Variants in COL4A2 observed in about 807,000 individuals in gnomAD.
COL4A2 encodes collagen type IV alpha 2 chain.
COL4A2 carries 99 observed loss-of-function variants against 200.2 expected under a neutral mutation model. That is an observed-to-expected ratio of 0.49 (90% CI 0.42 to 0.58). The LOEUF is 0.58. Among genes scored for constraint, COL4A2 ranks in the 20% least tolerant of loss-of-function variants. COL4A2 has a pLI of 0.00. For missense variants in COL4A2, 1,950 were observed against 2,314.1 expected (o/e 0.84, Z 3.23); for synonymous variants, 897 against 900.6 (o/e 1.00, Z 0.07).
intron 47 of COL4A2, among the ~76,000 whole-genome samples, chr13:110,509,662 G>A (rs1263637397): frequency 6.6e-6 from 1 of 152,110 alleles, no homozygotes; most frequent in East Asian, 1.9e-4. Context: ...TATCCAGAAA[G>A]GTCAGGCATC....
chr13:110,501,516 CCAT>C (rs1883639646), intron 40 of COL4A2, 149 bp from the exon 41 acceptor site: 1 of 709,900 alleles, frequency 1.4e-6, no homozygotes, highest in Non-Finnish European at 2.4e-6. Context: ...CCCAGCCCCA[CCAT>C]GAGATGTTCC....
chr13:110,467,644 C>T (rs933069370), intron 27 of COL4A2, among the ~76,000 whole-genome samples: 6 of 152,246 alleles, frequency 3.9e-5, no homozygotes, highest in African/African-American at 1.4e-4. Context: ...AGGCCGCCTG[C>T]GTGTCCAGTG....
At chr13:110,501,577 T>G in intron 40 of COL4A2, 91 bp from the exon 41 acceptor site, 1 of 1,132,966 alleles carries the variant, frequency 8.8e-7, no homozygotes, top group South Asian at 1.2e-5. Context: ...TAGGCTCTGG[T>G]CCACCACAGG....
chr13:110,342,223 A>C (rs1415354610), intron 3 of COL4A2, among the ~76,000 whole-genome samples: 2 of 152,262 alleles, frequency 1.3e-5, no homozygotes, highest in Non-Finnish European at 2.9e-5. Flanking sequence ...GAATTAGCTT[A>C]CTAAATTTTT....
chr13:110,497,719 A>C (rs35232900), intron 40 of COL4A2, among the ~76,000 whole-genome samples: 5,879 of 130,360 alleles, frequency 0.045, 277 homozygotes, highest in African/African-American at 0.1. Context: ...GATCTAGGTC[A>C]GTCCACCAGC....
At chr13:110,357,403 T>C in intron 3 of COL4A2, 69 bp from the exon 4 acceptor site, 1 of 1,540,434 alleles carries the variant, frequency 6.5e-7, no homozygotes, top group Non-Finnish European at 8.8e-7. Flanking sequence ...CAACAGATGA[T>C]ATTTTAATAC....
At chr13:110,327,245 G>A (rs553589674) in intron 3 of COL4A2, among the ~76,000 whole-genome samples, 52 of 152,272 alleles carry the variant, frequency 3.4e-4, no homozygotes, top group African/African-American at 5.5e-4. Context: ...GAATTTGGGC[G>A]TCCCCAGTTA....
At chr13:110,325,590 G>A (rs1048442476) in intron 3 of COL4A2, among the ~76,000 whole-genome samples, 2 of 152,170 alleles carry the variant, frequency 1.3e-5, no homozygotes, top group Non-Finnish European at 2.9e-5. Flanking sequence ...CTTAACTAAG[G>A]CTGCCTGATC....
intron 3 of COL4A2, among the ~76,000 whole-genome samples, chr13:110,316,351 T>C (rs1885128921): frequency 1.3e-5 from 2 of 152,188 alleles, no homozygotes; most frequent in Non-Finnish European, 2.9e-5. Flanking sequence ...TCAAAAGCCA[T>C]GGTTTGTCCA....
intron 24 of COL4A2, among the ~76,000 whole-genome samples, chr13:110,463,453 T>A (rs1001292231): frequency 6.6e-6 from 1 of 152,224 alleles, no homozygotes; most frequent in African/African-American, 2.4e-5. Context: ...TGGAGGACGA[T>A]TGAAGTCATA....
intron 16 of COL4A2, among the ~76,000 whole-genome samples, chr13:110,442,087 C>CA (rs10530153): frequency 0.35 from 16,390 of 47,034 alleles, 5,699 homozygotes; most frequent in Non-Finnish European, 0.42. Context: ...CTCTCTGTCT[C>CA]AAAAAAAAAA....
In COL4A2 at chr13:110,307,901, A is replaced by G; in HGVS notation, c.-3A>G. On this transcript the variant is annotated 5_prime_UTR_variant, in exon 2 of 48. Transcript: ENST00000360467. This position sits in a 1 kb window ranked among gnomAD's most constrained non-coding sequence, Gnocchi z 5.0. Reference sequence around the variant, plus strand: ...CGGGGCCCAGAGTGGACGAACCGCCAGCATGGGGAGAGACCAGCGCGCGGT... The same window carrying G: ...CGGGGCCCAGAGTGGACGAACCGCCGGCATGGGGAGAGACCAGCGCGCGGT... 6.2e-7 allele frequency: 1 copy of G among 1,612,336 alleles called. No individual in the cohort carries two copies. The highest frequency in any genetic ancestry group is 8.5e-7 in the Non-Finnish European group (1 of 1,179,306).
chr13:110,386,966 A>G (rs768899594), intron 4 of COL4A2, among the ~76,000 whole-genome samples: 1 of 152,178 alleles, frequency 6.6e-6, no homozygotes, highest in Non-Finnish European at 1.5e-5. Context: ...GAGGCCGGGC[A>G]CGGTGGCTCA....
At chr13:110,342,575 G>T (rs775554832) in intron 3 of COL4A2, among the ~76,000 whole-genome samples, 2 of 152,148 alleles carry the variant, frequency 1.3e-5, no homozygotes, top group Admixed American at 6.5e-5. Context: ...ACCTCTTCCC[G>T]TGGGTTAATC....
chr13:110,449,940 A>T (rs1415524636), intron 19 of COL4A2, 151 bp downstream of exon 19: 1 of 875,232 alleles, frequency 1.1e-6, no homozygotes, highest in African/African-American at 1.7e-5. Context: ...AGCCCCGCAC[A>T]CATGCTTTGG....
chr13:110,485,643 G>T lies in COL4A2; in HGVS notation c.3026-12G>T, dbSNP rs754587598. 9 of 1,589,462 alleles carry T rather than the reference G, an allele frequency of 5.7e-6. No homozygotes were observed. In the Admixed American group the frequency reaches 9.5e-5, roughly 17 times the overall value. ...CCTCACCAGAGTGTTACACACCAGGGTCTTCCTGCAGGTATCCAAGGAATG... is the reference window on the plus strand; with the variant it reads ...CCTCACCAGAGTGTTACACACCAGGTTCTTCCTGCAGGTATCCAAGGAATG... On this transcript the variant is annotated splice_polypyrimidine_tract_variant and intron_variant, in intron 33 of 47. Transcript: ENST00000360467.
At chr13:110,448,584 C>G (rs1881413235) in intron 18 of COL4A2, among the ~76,000 whole-genome samples, 1 of 152,024 alleles carries the variant, frequency 6.6e-6, no homozygotes, top group Non-Finnish European at 1.5e-5. Flanking sequence ...ATGAACTTGT[C>G]AAAAGACAAA....
At chr13:110,385,731 G>A (rs75101558) in intron 4 of COL4A2, among the ~76,000 whole-genome samples, 1,011 of 3,856 alleles carry the variant, frequency 0.26, 179 homozygotes, top group Non-Finnish European at 0.28. Context: ...GTGTGGATAG[G>A]CCGTGGTTGC....
At position 110,424,919 on chromosome 13, in the gene COL4A2, C is replaced by T. The variant is rs138453725; in HGVS notation, c.316-34C>T. On this transcript the variant is annotated intron_variant, in intron 5 of 47. Transcript: ENST00000360467. ...GGCCTCATGAGGGTGGCGGGTATCT[C>T]AGCCTTGGTTAATTGCATTTGCTTT... is the stretch of plus-strand genomic sequence containing the variant. 1,224 of 1,614,204 alleles carry T rather than the reference C, an allele frequency of 7.6e-4. 4 individuals are homozygous for T. In the African/African-American group the frequency reaches 0.015, roughly 20 times the overall value.
Sources: gnomAD v4.1 joint callset for allele counts (sites outside exome capture counted in the v4.1 genomes callset) on GRCh38, gnomAD v4.1.1 for gene constraint, Gnocchi (gnomAD v3.1) non-coding constraint, MANE v1.5 for transcripts, NCBI Gene and HGNC (gene_info 2026-07-23, HGNC 2026-07-21) for gene names.